Variants in DAAM2 observed in about 807,000 individuals in gnomAD.
DAAM2 encodes the protein disheveled-associated activator of morphogenesis 2.
In DAAM2, 39 loss-of-function variants were observed where a neutral mutation model predicts 120.7. The ratio of observed to expected loss-of-function variants is 0.32; its 90% CI spans 0.25 to 0.42. DAAM2 has a LOEUF of 0.42. DAAM2 is among the 10% of genes least tolerant of loss of function. The pLI is 1.00. For missense variants in DAAM2, 1,283 were observed against 1,401.7 expected (o/e 0.92, Z 1.35); for synonymous variants, 488 against 524.9 (o/e 0.93, Z 0.96).
intron 1 of DAAM2, among the ~76,000 whole-genome samples, chr6:39,831,762 G>C (rs1762901951): frequency 7.8e-6 from 1 of 128,518 alleles, no homozygotes; most frequent in Admixed American, 7.7e-5. Context: ...CAGGAGCACT[G>C]GGGAGGCAGG....
At chr6:39,870,313 G>A in intron 7 of DAAM2, 27 bp from the exon 8 acceptor site, 2 of 1,429,202 alleles carry the variant, frequency 1.4e-6, no homozygotes, top group Non-Finnish European at 1.9e-6. Flanking sequence ...CTGCCAATGA[G>A]TCTGGCCCTC....
At chr6:39,794,538 G>T (rs1175451665) in intron 1 of DAAM2, among the ~76,000 whole-genome samples, 1 of 152,168 alleles carries the variant, frequency 6.6e-6, no homozygotes, top group Non-Finnish European at 1.5e-5. Flanking sequence ...GCTCAAGAAG[G>T]CGGAGGCTGT....
At chr6:39,827,469 T>C (rs79114937) in intron 1 of DAAM2, among the ~76,000 whole-genome samples, 7,803 of 152,126 alleles carry the variant, frequency 0.051, 548 homozygotes, top group African/African-American at 0.16. Context: ...GTAGTCTTTT[T>C]CAGAGTCTGA....
chr6:39,871,226 A>G lies in DAAM2; in HGVS notation c.978-280A>G, dbSNP rs1429925237. 1.1e-4 allele frequency among the ~76,000 whole-genome samples: 16 copies of G among 152,156 alleles called. 1 individual carries two copies. The highest frequency in any genetic ancestry group is 1.0e-3 in the Admixed American group (16 of 15,276). ...CTCACAGATCAGCCTCCCACAACCA[A>G]AGATAAGCGAGCCCAAAATGTCAGT... On this transcript the variant is annotated intron_variant, in intron 8 of 24. Transcript: ENST00000274867.
chr6:39,895,102 T>A (rs1245593826), intron 19 of DAAM2, among the ~76,000 whole-genome samples: 2 of 152,188 alleles, frequency 1.3e-5, no homozygotes, highest in African/African-American at 4.8e-5. Context: ...ATTTGGAATT[T>A]AAAAAACCTA....
At chr6:39,819,865 A>C (rs143744717) in intron 1 of DAAM2, 5 of 152,142 alleles carry the variant, frequency 3.3e-5, no homozygotes, top group Non-Finnish European at 5.9e-5. Context: ...CGTTCAGGGG[A>C]GCTCCACCCT....
At chr6:39,836,156 C>A (rs1466496933) in intron 1 of DAAM2, among the ~76,000 whole-genome samples, 2 of 152,124 alleles carry the variant, frequency 1.3e-5, no homozygotes, top group Non-Finnish European at 1.5e-5. Flanking sequence ...GCAGACCTCC[C>A]CCCTGTGCAG....
rs184390441 is a variant in DAAM2, at chr6:39,871,441, A to G, written c.978-65A>G. The stretch of plus-strand genomic sequence containing the variant: ...CCAGTGGGGGGCTCGAAGGGGCTGT[A>G]ACCCTCAACCAAGGGTGTGTCCTGG... On this transcript the variant is annotated intron_variant, in intron 8 of 24. Transcript: ENST00000274867. The G allele has an allele frequency of 4.5e-3, 6,582 of 1,448,498 alleles. 20 individuals are homozygous for G. The highest frequency in any genetic ancestry group is 6.9e-3 in the Middle Eastern group (40 of 5,758). 89.7% of individuals were successfully genotyped at this position (1,448,498 alleles called of 1,614,324 possible). A position where few individuals can be genotyped will look rare whatever the true frequency, so the allele number is the denominator to read the frequency against.
At chr6:39,821,727 A>G (rs1762494685) in intron 1 of DAAM2, 1 of 152,248 alleles carries the variant, frequency 6.6e-6, no homozygotes, top group Non-Finnish European at 1.5e-5. Context: ...AGCCTGGCCC[A>G]AGGAGTGAAG....
In DAAM2 at chr6:39,878,219, GA is replaced by G; in HGVS notation, c.1320del (p.Val441Ter). 6.2e-7 allele frequency: 1 copy of G among 1,614,008 alleles called. No homozygotes were observed. The highest frequency in any genetic ancestry group is 8.5e-7 in the Non-Finnish European group (1 of 1,179,894). ...NIVNMLINEN[E>X]VKQWRDQAEK... ...CCCTGCCAGGCTCATCAACGAGAAT[GA>G]AGTGAAACAGTGGCGAGACCAGGCA... On this transcript the variant is annotated frameshift_variant, in exon 12 of 25. Coordinates refer to ENST00000274867, the MANE Select transcript of DAAM2 (RefSeq NM_001201427.2). LOFTEE classifies it high-confidence loss of function. This position sits in a 1 kb window ranked among gnomAD's most constrained non-coding sequence, Gnocchi z 5.0.
At chr6:39,837,103 T>C (rs1432935583) in intron 1 of DAAM2, among the ~76,000 whole-genome samples, 1 of 152,206 alleles carries the variant, frequency 6.6e-6, no homozygotes. Context: ...AGAAACCTGC[T>C]GCCCACTCTC....
chr6:39,801,720 C>CA (rs1384066009), intron 1 of DAAM2, among the ~76,000 whole-genome samples: 1 of 152,184 alleles, frequency 6.6e-6, no homozygotes, highest in Non-Finnish European at 1.5e-5. Context: ...TCCAGAATGC[C>CA]AAAGCAAAGC....
rs1469950908 is a variant in DAAM2, at chr6:39,860,962, C to A, written c.203C>A (p.Ala68Asp). The change falls in exon 3 of 25, where the codon GCT (alanine) becomes GAT (aspartate). Residue 68 changes from alanine to aspartate, a missense_variant. Ala to Asp is a moderately radical substitution (Grantham distance 126). Around this residue, in one of 3 missense-constraint regions of DAAM2, gnomAD observed 197 missense variants for 189.3 expected, o/e 1.04. Coordinates refer to ENST00000274867, the MANE Select transcript of DAAM2 (RefSeq NM_001201427.2). The part of the protein sequence containing the change: ...ELDLTDKNRE[A>D]MFALPPEKKW... ...GATCTCACTGACAAAAACCGAGAGGCTATGTTTGCACTGCCCCCTGAGAAG... is the reference window on the plus strand; with the variant it reads ...GATCTCACTGACAAAAACCGAGAGGATATGTTTGCACTGCCCCCTGAGAAG... The A allele has an allele frequency of 6.2e-7, 1 of 1,613,246 alleles. No homozygotes were observed. The highest frequency in any genetic ancestry group is 2.2e-5 in the East Asian group (1 of 44,864).
chr6:39,866,761 G>A (rs1022931606), intron 5 of DAAM2, among the ~76,000 whole-genome samples: 9 of 152,154 alleles, frequency 5.9e-5, no homozygotes, highest in African/African-American at 2.2e-4. Context: ...GAGTGTAAAT[G>A]GTATTTTGAG....
chr6:39,876,552 C>T, intron 11 of DAAM2, among the ~76,000 whole-genome samples: 1 of 152,150 alleles, frequency 6.6e-6, no homozygotes, highest in East Asian at 1.9e-4. Flanking sequence ...TTTAACCCTT[C>T]TTGGGTAACA....
intron 4 of DAAM2, 39 bp downstream of exon 4, chr6:39,864,546 A>AT: frequency 6.5e-7 from 1 of 1,548,036 alleles, no homozygotes; most frequent in Non-Finnish European, 8.8e-7. Flanking sequence ...CCCCACCTGG[A>AT]AAGGCTACGG....
Position 39,901,204 on chromosome 6 carries a change from C to A in DAAM2, c.2812-98C>A. The A allele has an allele frequency of 1.8e-6, 2 of 1,113,758 alleles. No homozygotes were observed. The highest frequency in any genetic ancestry group is 1.6e-5 in the African/African-American group (1 of 63,908). The allele number at this position is 1,113,758 out of a possible 1,614,324, so 69.0% of individuals were successfully genotyped here. ...CCTGTGCCAACAGTCCCCAGCCTTGCGCTGGGCTCTGCTCTGGCTAGAACC... is the reference window on the plus strand; with the variant it reads ...CCTGTGCCAACAGTCCCCAGCCTTGAGCTGGGCTCTGCTCTGGCTAGAACC... On this transcript the variant is annotated intron_variant, in intron 23 of 24. Coordinates refer to ENST00000274867, the MANE Select transcript of DAAM2 (RefSeq NM_001201427.2). This position sits in a 1 kb window ranked among gnomAD's most constrained non-coding sequence, Gnocchi z 4.5.
At chr6:39,833,517 A>T (rs1305274676) in intron 1 of DAAM2, among the ~76,000 whole-genome samples, 1 of 152,170 alleles carries the variant, frequency 6.6e-6, no homozygotes, top group African/African-American at 2.4e-5. Context: ...CATGTTGGCC[A>T]GGCTGGTCTC....
At chr6:39,856,540 A>C in intron 2 of DAAM2, 70 bp downstream of exon 2, 2 of 1,238,588 alleles carry the variant, frequency 1.6e-6, no homozygotes, top group Non-Finnish European at 2.1e-6. Context: ...AGCTGGACAG[A>C]GGGCAGGGCC....
Sources: gnomAD v4.1 joint callset for allele counts (sites outside exome capture counted in the v4.1 genomes callset) on GRCh38, gnomAD v4.1.1 for gene constraint, gnomAD v4.1.1 regional missense constraint, Gnocchi (gnomAD v3.1) non-coding constraint, MANE v1.5 for transcripts, NCBI Gene and HGNC (gene_info 2026-07-23, HGNC 2026-07-21) for gene names.